Variants in ZNF567 observed in about 807,000 individuals in gnomAD.
The protein encoded by ZNF567 is zinc finger protein 567.
ZNF567 carries 36 observed loss-of-function variants against 53.9 expected under a neutral mutation model. The ratio of observed to expected loss-of-function variants is 0.67; its 90% CI spans 0.51 to 0.88. The LOEUF (loss-of-function observed/expected upper bound fraction) is 0.88, where lower values mean the gene tolerates loss of function less well. Ranked by LOEUF, ZNF567 falls within the 40% of genes least tolerant of loss-of-function variation. The pLI, the probability that ZNF567 is intolerant of heterozygous loss-of-function variation, is 0.00. For missense variants in ZNF567, 619 were observed against 764.7 expected (o/e 0.81, Z 2.25); for synonymous variants, 224 against 260.4 (o/e 0.86, Z 1.35).
chr19:36,694,773 CT>C (rs913480145), intron 2 of ZNF567, 28 bp from the exon 3 acceptor site: 6 of 1,289,742 alleles, frequency 4.7e-6, no homozygotes, highest in Middle Eastern at 2.2e-4. Flanking sequence ...TCTCATGTGG[CT>C]TTTTTTGTCT....
chr19:36,716,621 G>C (rs1028457239), intron 5 of ZNF567, among the ~76,000 whole-genome samples: 1 of 152,022 alleles, frequency 6.6e-6, no homozygotes, highest in African/African-American at 2.4e-5. Context: ...CATTACTGTG[G>C]TATTATTTAA....
the ZNF567 span, among the ~76,000 whole-genome samples, chr19:36,675,534 G>A: frequency 6.6e-6 from 1 of 152,106 alleles, no homozygotes. Context: ...TTAGCTGGGC[G>A]TGGTGGCGTG....
At chr19:36,715,447 CA>C (rs1228851331) in intron 5 of ZNF567, among the ~76,000 whole-genome samples, 72 of 148,302 alleles carry the variant, frequency 4.9e-4, no homozygotes, top group African/African-American at 1.8e-3. Flanking sequence ...AGGCATGAGC[CA>C]CCGTGCCTGG....
At chr19:36,718,781 C>G (rs1265967144) in intron 5 of ZNF567, among the ~76,000 whole-genome samples, 167 bp from the exon 6 acceptor site, 1 of 152,094 alleles carries the variant, frequency 6.6e-6, no homozygotes, top group Non-Finnish European at 1.5e-5. Flanking sequence ...CATCCTTTTC[C>G]ACTCTGAAGC....
In ZNF567 at chr19:36,714,636, C is replaced by T. The variant is rs550451381; in HGVS notation, c.223+1769C>T. The T allele has an allele frequency of 5.0e-5, 19 of 382,064 alleles. No homozygotes were observed. The South Asian group carries it at 1.4e-3, about 29-fold the overall frequency. 23.7% of individuals were successfully genotyped at this position (382,064 alleles called of 1,614,324 possible). A position where few individuals can be genotyped will look rare whatever the true frequency, so the allele number is the denominator to read the frequency against. On this transcript the variant is annotated intron_variant, in intron 5 of 5. Transcript: ENST00000682579. ...ACAAATTTAGCTATTAATTTTAGAACTCACTTAACACAACCCAGGTTGATA... is the reference window on the plus strand; with the variant it reads ...ACAAATTTAGCTATTAATTTTAGAATTCACTTAACACAACCCAGGTTGATA...
At position 36,720,561 on chromosome 19, in the gene ZNF567, G is replaced by A; in HGVS notation, c.1837G>A (p.Gly613Ser). ...TATTGTACATCAGAGAACTCACACAGGTGAGAAACCCTATGTTTGTAATGA... is the reference window on the plus strand; with the variant it reads ...TATTGTACATCAGAGAACTCACACAAGTGAGAAACCCTATGTTTGTAATGA... ...NLIVHQRTHT[G>S]EKPYVCNECG... is the part of the protein sequence containing the mutation. Residue 613 changes from glycine (G) to serine (S), a missense_variant, in exon 6 of 6, where the codon GGT (glycine) becomes AGT (serine). Coordinates refer to ENST00000682579, the MANE Select transcript of ZNF567 (RefSeq NM_001322917.1). 1 of 1,613,940 alleles carries A rather than the reference G, an allele frequency of 6.2e-7. No individual in the cohort carries two copies. Among genetic ancestry groups the A allele is most frequent in the Admixed American group, 1.7e-5 (1 of 59,990 alleles).
At chr19:36,690,463 G>A (rs1329186690) in intron 2 of ZNF567, among the ~76,000 whole-genome samples, 6 of 152,000 alleles carry the variant, frequency 3.9e-5, no homozygotes, top group African/African-American at 1.5e-4. Context: ...GTAGTGGCAC[G>A]CCCCTGTGGC....
chr19:36,682,341 A>G, the ZNF567 span, among the ~76,000 whole-genome samples: 1 of 151,564 alleles, frequency 6.6e-6, no homozygotes, highest in African/African-American at 2.4e-5. Flanking sequence ...AGCAACATGG[A>G]TATAATGTTA....
intron 3 of ZNF567, among the ~76,000 whole-genome samples, chr19:36,697,918 C>CTTTTTTTTTTTTTTTTTTTTTTTTTT (rs71171464): frequency 7.4e-6 from 1 of 135,746 alleles, no homozygotes; most frequent in African/African-American, 2.7e-5. Context: ...GCTGGAATTT[C>CTTTTTTTTTTTTTTTTTTTTTTTTTT]TTTTTTTTTT....
In ZNF567 at chr19:36,720,008, A is replaced by G. The variant is rs1366580364; in HGVS notation, c.1284A>G (p.Lys428=). ...EKPYICNECG[K]SFSQKTTLAL... is the part of the protein sequence containing the mutation. ...CCTATATTTGTAATGAATGTGGGAA[A>G]TCCTTCTCCCAGAAGACAACCCTTG... Residue 428 remains lysine, a synonymous_variant, in exon 6 of 6, where the codon AAA becomes AAG. Coordinates refer to ENST00000682579, the MANE Select transcript of ZNF567 (RefSeq NM_001322917.1). 9 of 1,613,500 alleles carry G rather than the reference A, an allele frequency of 5.6e-6. No homozygotes were observed. The highest frequency in any genetic ancestry group is 6.8e-6 in the Non-Finnish European group (8 of 1,179,894).
chr19:36,706,955 C>T (rs2039529505), intron 3 of ZNF567, among the ~76,000 whole-genome samples: 1 of 151,992 alleles, frequency 6.6e-6, no homozygotes, highest in African/African-American at 2.4e-5. Context: ...GCACCTTGCC[C>T]ATCCTTTATA....
chr19:36,724,759 A>G, downstream of ZNF567, among the ~76,000 whole-genome samples: 1 of 150,966 alleles, frequency 6.6e-6, no homozygotes, highest in East Asian at 2.0e-4. Context: ...GAGGCAGGGG[A>G]ATAGCTTAAA....
At chr19:36,674,135 C>A in the ZNF567 span, among the ~76,000 whole-genome samples, 1 of 152,106 alleles carries the variant, frequency 6.6e-6, no homozygotes, top group Non-Finnish European at 1.5e-5. Context: ...TCTTCAATGG[C>A]ATTCTTGTAA....
chr19:36,679,037 A>AGCACTTTG, the ZNF567 span, among the ~76,000 whole-genome samples: 1 of 152,152 alleles, frequency 6.6e-6, no homozygotes, highest in Non-Finnish European at 1.5e-5. Context: ...CTGTAATCCC[A>AGCACTTTG]GCACTTTGGG....
chr19:36,678,482 C>G, the ZNF567 span, among the ~76,000 whole-genome samples: 3 of 152,074 alleles, frequency 2.0e-5, no homozygotes, highest in Non-Finnish European at 4.4e-5. Flanking sequence ...AAAATACTTG[C>G]AAATCATATA....
the ZNF567 span, among the ~76,000 whole-genome samples, chr19:36,673,519 G>C: frequency 6.6e-6 from 1 of 152,208 alleles, no homozygotes; most frequent in African/African-American, 2.4e-5. Flanking sequence ...TAATGTCTGA[G>C]CAAGAGGGAA....
intron 5 of ZNF567, chr19:36,714,586 T>C: frequency 2.5e-6 from 1 of 394,486 alleles, no homozygotes; most frequent in Non-Finnish European, 4.5e-6. Flanking sequence ...GGCTTTGTTT[T>C]CTGTGCTAAG....
intron 3 of ZNF567, among the ~76,000 whole-genome samples, chr19:36,705,637 A>G (rs1403905179): frequency 6.6e-6 from 1 of 152,204 alleles, no homozygotes; most frequent in Non-Finnish European, 1.5e-5. Context: ...TAAAGAATGC[A>G]TATTCTGATG....
chr19:36,694,719 G>A, intron 2 of ZNF567, 83 bp from the exon 3 acceptor site: 1 of 673,730 alleles, frequency 1.5e-6, no homozygotes, highest in Middle Eastern at 3.9e-4. Flanking sequence ...AAGGGAAATG[G>A]AGGCAATTTT....
Sources: allele counts gnomAD v4.1 joint callset (sites outside exome capture counted in the v4.1 genomes callset), GRCh38; gene constraint gnomAD v4.1.1; transcripts MANE v1.5; gene names NCBI Gene and HGNC (gene_info 2026-07-23, HGNC 2026-07-21).